The following MCPH1 variants were observed in gnomAD, a reference collection of about 807,000 sequenced individuals.
The protein encoded by MCPH1 is microcephalin.
In MCPH1, 104 loss-of-function variants were observed where a neutral mutation model predicts 84.5. That is an observed-to-expected ratio of 1.23 (90% confidence interval 1.05 to 1.45). The LOEUF is 1.45. MCPH1 is among the 40% of genes most tolerant of loss of function. The pLI is 0.00. For synonymous variants in MCPH1, 514 were observed against 366.8 expected, an observed-to-expected ratio of 1.40 and a Z score of -4.58; for missense variants, 1,498 against 1,005.7, an observed-to-expected ratio of 1.49 and a Z score of -6.62.
intron 12 of MCPH1, among the ~76,000 whole-genome samples, chr8:6,577,288 C>A (rs1404715924): frequency 6.6e-6 from 1 of 152,218 alleles, no homozygotes; most frequent in South Asian, 2.1e-4. Flanking sequence ...TGGGGCCTTT[C>A]CCTTCCCGTC....
chr8:6,600,434 C>G (rs1829265860), intron 12 of MCPH1, among the ~76,000 whole-genome samples: 1 of 152,182 alleles, frequency 6.6e-6, no homozygotes, highest in South Asian at 2.1e-4. Flanking sequence ...CATTTAAGAG[C>G]CTGCTCCTTC....
intron 12 of MCPH1, among the ~76,000 whole-genome samples, chr8:6,530,808 C>T (rs1161817247): frequency 2.0e-5 from 3 of 152,164 alleles, no homozygotes; most frequent in Admixed American, 2.0e-4. Flanking sequence ...CTGACCTCAT[C>T]CAACCATTTT....
intron 9 of MCPH1, among the ~76,000 whole-genome samples, chr8:6,458,965 G>C (rs755574703): frequency 6.6e-5 from 10 of 152,160 alleles, no homozygotes; most frequent in Non-Finnish European, 1.3e-4. Context: ...TAAATTTTAA[G>C]TATATAACTT....
intron 1 of MCPH1, among the ~76,000 whole-genome samples, chr8:6,407,964 C>T (rs1281602713): frequency 6.6e-6 from 1 of 152,178 alleles, no homozygotes; most frequent in Non-Finnish European, 1.5e-5. Flanking sequence ...ACAGGCCGGC[C>T]CGTTAATATA....
At chr8:6,471,516 T>C (rs139589232) in intron 9 of MCPH1, among the ~76,000 whole-genome samples, 2 of 152,314 alleles carry the variant, frequency 1.3e-5, no homozygotes, top group South Asian at 2.1e-4. Context: ...TGTTAGGAGA[T>C]ACAGGCAGAG....
At chr8:6,535,893 A>G (rs1351633608) in intron 12 of MCPH1, among the ~76,000 whole-genome samples, 1 of 71,734 alleles carries the variant, frequency 1.4e-5, no homozygotes, top group African/African-American at 4.4e-5. Context: ...CAAAAAATAC[A>G]AAAAAAAAAA....
intron 11 of MCPH1, among the ~76,000 whole-genome samples, chr8:6,482,803 G>T (rs1046911566): frequency 2.0e-5 from 3 of 152,210 alleles, no homozygotes; most frequent in African/African-American, 7.2e-5. Context: ...TACCTGATAT[G>T]ATAAAGGTGG....
At chr8:6,481,529 A>T (rs939342221) in intron 11 of MCPH1, among the ~76,000 whole-genome samples, 1 of 152,206 alleles carries the variant, frequency 6.6e-6, no homozygotes, top group African/African-American at 2.4e-5. Context: ...CTTGTTACGT[A>T]TGTTACCATT....
chr8:6,409,137 C>A (rs1798179071), intron 1 of MCPH1, 142 bp from the exon 2 acceptor site: 2 of 722,334 alleles, frequency 2.8e-6, no homozygotes, highest in African/African-American at 1.8e-5. Context: ...CCACCCACTT[C>A]CGCCTCCCAC....
chr8:6,468,055 A>G (rs1807207987), intron 9 of MCPH1, among the ~76,000 whole-genome samples: 1 of 152,228 alleles, frequency 6.6e-6, no homozygotes. Context: ...AGTGGGTAGT[A>G]TAAGGAGTTT....
chr8:6,527,813 G>A (rs1193038170), intron 12 of MCPH1: 5 of 857,806 alleles, frequency 5.8e-6, no homozygotes, highest in Non-Finnish European at 8.5e-6. Flanking sequence ...TCTTATTTTG[G>A]CATATTTTTC....
chr8:6,530,018 T>C (rs1383669675), intron 12 of MCPH1, among the ~76,000 whole-genome samples: 1 of 152,122 alleles, frequency 6.6e-6, no homozygotes, highest in African/African-American at 2.4e-5. Context: ...TTTTTATTTT[T>C]TTAAATTTTT....
intron 12 of MCPH1, among the ~76,000 whole-genome samples, chr8:6,520,828 G>A (rs1817186075): frequency 6.6e-6 from 1 of 152,156 alleles, no homozygotes; most frequent in Admixed American, 6.5e-5. Context: ...TAATCTTAAT[G>A]GCCATCCCAT....
At chr8:6,541,937 G>C (rs925749058) in intron 12 of MCPH1, among the ~76,000 whole-genome samples, 1 of 151,710 alleles carries the variant, frequency 6.6e-6, no homozygotes, top group Non-Finnish European at 1.5e-5. Context: ...GAGCCCAGGA[G>C]GTTGAGGCTG....
In MCPH1 at chr8:6,411,289, T is replaced by G. The variant is rs574659150; in HGVS notation, c.114+1919T>G. Among the ~76,000 whole-genome samples the G allele has an allele frequency of 5.9e-5, 9 of 152,248 alleles. No individual in the cohort carries two copies. The South Asian group carries it at 1.9e-3, about 32-fold the overall frequency. ...ACCGTGGTGACATATCCACCAGAAG[T>G]TTTTATCTTATAAGGAAGCCAGTGA... On this transcript the variant is annotated intron_variant, in intron 2 of 13. Coordinates refer to ENST00000344683, the MANE Select transcript of MCPH1 (RefSeq NM_024596.5).
At chr8:6,514,984 C>G (rs867128698) in intron 12 of MCPH1, among the ~76,000 whole-genome samples, 9 of 152,242 alleles carry the variant, frequency 5.9e-5, no homozygotes, top group African/African-American at 2.2e-4. Context: ...GATGGTGAAA[C>G]ATAAACAGTA....
At chr8:6,431,101 C>G (rs1257437487) in intron 3 of MCPH1, among the ~76,000 whole-genome samples, 1 of 152,192 alleles carries the variant, frequency 6.6e-6, no homozygotes, top group Non-Finnish European at 1.5e-5. Flanking sequence ...GAGATGTCCT[C>G]TGACTTCAAT....
chr8:6,417,197 C>A (rs1270273384), intron 3 of MCPH1, among the ~76,000 whole-genome samples: 2 of 152,052 alleles, frequency 1.3e-5, no homozygotes, highest in Admixed American at 6.5e-5. Context: ...TGCCCCGTTT[C>A]CTCCTCATTT....
chr8:6,430,627 T>TG (rs1297046117), intron 3 of MCPH1, among the ~76,000 whole-genome samples: 10 of 152,228 alleles, frequency 6.6e-5, no homozygotes, highest in Non-Finnish European at 1.3e-4. Context: ...GTGTACTTTA[T>TG]TTTTTCAAAT....
Sources: allele counts gnomAD v4.1 joint callset (sites outside exome capture counted in the v4.1 genomes callset), GRCh38; gene constraint gnomAD v4.1.1; transcripts MANE v1.5; gene names NCBI Gene and HGNC (gene_info 2026-07-23, HGNC 2026-07-21).